The following SNX29 variants were observed in gnomAD, a reference collection of about 807,000 sequenced individuals.
SNX29 encodes the protein sorting nexin-29.
Under a neutral mutation model 102.1 loss-of-function variants are expected in SNX29, and 78 were observed. The ratio of observed to expected loss-of-function variants is 0.76; its 90% CI spans 0.64 to 0.92. SNX29 has a LOEUF of 0.92. SNX29 is among the 40% of genes least tolerant of loss of function. The probability of loss-of-function intolerance (pLI) is 0.00; values close to 1 mark genes in which losing one functional copy is unlikely to be tolerated. For synonymous variants in SNX29, 580 were observed against 414.5 expected (o/e 1.40, Z -4.85); for missense variants, 1,280 against 1,061.7 (o/e 1.21, Z -2.86).
In SNX29 at chr16:12,307,388, C is replaced by A. The variant is rs552514857; in HGVS notation, c.1782+29352C>A. Among the ~76,000 whole-genome samples, 208 of 152,250 alleles carry A rather than the reference C, an allele frequency of 1.4e-3. No homozygotes were observed. The Middle Eastern group carries it at 0.024, about 18-fold the overall frequency. On this transcript the variant is annotated intron_variant, in intron 15 of 20. Coordinates refer to ENST00000566228, the MANE Select transcript of SNX29 (RefSeq NM_032167.5). ...ATCCTCCAGTATAAAATGAGAAATGCAATTCCTGTCATTAAATGAGGTGAT... is the reference window on the plus strand; with the variant it reads ...ATCCTCCAGTATAAAATGAGAAATGAAATTCCTGTCATTAAATGAGGTGAT...
At chr16:12,551,584 G>A (rs1027436265) in intron 20 of SNX29, among the ~76,000 whole-genome samples, 1 of 152,188 alleles carries the variant, frequency 6.6e-6, no homozygotes, top group South Asian at 2.1e-4. Context: ...TCAAAAGGCT[G>A]GAACAAATTC....
chr16:12,254,815 A>C (rs886482850), intron 14 of SNX29, among the ~76,000 whole-genome samples: 1 of 152,128 alleles, frequency 6.6e-6, no homozygotes, highest in Non-Finnish European at 1.5e-5. Context: ...GGTGGCAGCC[A>C]TTGGTGGCAT....
intron 20 of SNX29, among the ~76,000 whole-genome samples, chr16:12,536,446 G>A (rs567840900): frequency 5.1e-4 from 78 of 152,172 alleles, no homozygotes; most frequent in Non-Finnish European, 2.5e-4. Flanking sequence ...TGCAGGCTTG[G>A]GTTTGACTCA....
intron 20 of SNX29, among the ~76,000 whole-genome samples, chr16:12,551,874 A>C (rs1567180588): frequency 6.6e-6 from 1 of 152,148 alleles, no homozygotes; most frequent in Non-Finnish European, 1.5e-5. Flanking sequence ...TGATATTTCT[A>C]GCCTGTCTGC....
chr16:12,330,309 A>G (rs905578013), intron 15 of SNX29, among the ~76,000 whole-genome samples: 1 of 152,070 alleles, frequency 6.6e-6, no homozygotes, highest in African/African-American at 2.4e-5. Flanking sequence ...TCCAGTAAAA[A>G]TAGAGAAATT....
At chr16:12,535,651 T>TACAGA (rs2077055459) in intron 20 of SNX29, among the ~76,000 whole-genome samples, 1 of 152,158 alleles carries the variant, frequency 6.6e-6, no homozygotes, top group African/African-American at 2.4e-5. Context: ...AGAGCAGTCT[T>TACAGA]GAATATCTTC....
intron 14 of SNX29, among the ~76,000 whole-genome samples, chr16:12,268,593 C>T (rs566218939): frequency 7.2e-5 from 11 of 152,306 alleles, no homozygotes; most frequent in South Asian, 2.1e-4. Context: ...CTTTCTCCTT[C>T]GGAACTGTAA....
chr16:12,301,163 TA>T (rs1388489472), intron 15 of SNX29, among the ~76,000 whole-genome samples: 1 of 152,236 alleles, frequency 6.6e-6, no homozygotes, highest in Non-Finnish European at 1.5e-5. Context: ...CAGTCCCTTC[TA>T]AAATATCTCA....
intron 14 of SNX29, among the ~76,000 whole-genome samples, chr16:12,251,903 G>T (rs909055737): frequency 1.3e-5 from 2 of 152,030 alleles, no homozygotes; most frequent in African/African-American, 4.8e-5. Flanking sequence ...AGAACTATAG[G>T]TGTGTGCCAC....
intron 13 of SNX29, among the ~76,000 whole-genome samples, chr16:12,191,939 G>A (rs830710): frequency 0.65 from 99,272 of 152,096 alleles, 33,989 homozygotes; most frequent in Non-Finnish European, 0.75. Flanking sequence ...CCTGCTGGAC[G>A]GTAGGCATGA....
At chr16:12,072,227 G>A (rs544383961) in intron 10 of SNX29, among the ~76,000 whole-genome samples, 8 of 152,322 alleles carry the variant, frequency 5.3e-5, no homozygotes, top group Admixed American at 5.2e-4. Context: ...TGTGAGAGAA[G>A]GCATCCCTGT....
intron 19 of SNX29, among the ~76,000 whole-genome samples, chr16:12,499,753 C>A (rs1325473492): frequency 6.6e-6 from 1 of 152,202 alleles, no homozygotes; most frequent in East Asian, 1.9e-4. Flanking sequence ...GGCTCACTTG[C>A]AGCCTTGACC....
chr16:11,983,304 T>C (rs1165722542), intron 1 of SNX29, among the ~76,000 whole-genome samples: 2 of 148,728 alleles, frequency 1.3e-5, no homozygotes, highest in Middle Eastern at 3.5e-3. Flanking sequence ...CTGGTACTCC[T>C]GGCCTTAAGC....
At chr16:12,180,760 C>T (rs1194911580) in intron 13 of SNX29, among the ~76,000 whole-genome samples, 2 of 152,192 alleles carry the variant, frequency 1.3e-5, no homozygotes, top group Non-Finnish European at 1.5e-5. Context: ...GCTGGGATTA[C>T]AGGTGTGAGC....
At chr16:12,561,538 C>T (rs1036787190) in intron 20 of SNX29, among the ~76,000 whole-genome samples, 1 of 152,172 alleles carries the variant, frequency 6.6e-6, no homozygotes, top group Non-Finnish European at 1.5e-5. Flanking sequence ...TCTCTCCTCG[C>T]AGCCATTTTC....
At chr16:12,302,407 A>G (rs2151102297) in intron 15 of SNX29, among the ~76,000 whole-genome samples, 2 of 152,364 alleles carry the variant, frequency 1.3e-5, no homozygotes, top group South Asian at 4.1e-4. Context: ...CTATTTTAAC[A>G]AAATACCATA....
intron 11 of SNX29, among the ~76,000 whole-genome samples, chr16:12,113,193 A>G (rs1337841161): frequency 1.3e-5 from 2 of 152,104 alleles, no homozygotes; most frequent in Non-Finnish European, 2.9e-5. Flanking sequence ...GGCATCTTTC[A>G]TTTTGCAGAT....
intron 13 of SNX29, among the ~76,000 whole-genome samples, chr16:12,164,951 G>A (rs1186538140): frequency 6.6e-6 from 1 of 152,172 alleles, no homozygotes; most frequent in Non-Finnish European, 1.5e-5. Flanking sequence ...ATCTCCCAAA[G>A]TGCTGGGGTT....
At chr16:12,382,722 C>A (rs1435564356) in intron 16 of SNX29, among the ~76,000 whole-genome samples, 1 of 152,200 alleles carries the variant, frequency 6.6e-6, no homozygotes, top group Non-Finnish European at 1.5e-5. Context: ...TGTGTTCCCC[C>A]TGGAGGCTCT....
Sources: gnomAD v4.1 joint callset for allele counts (sites outside exome capture counted in the v4.1 genomes callset) on GRCh38, gnomAD v4.1.1 for gene constraint, MANE v1.5 for transcripts, NCBI Gene and HGNC (gene_info 2026-07-23, HGNC 2026-07-21) for gene names.